The following VPS13C variants were observed in gnomAD, a reference collection of about 807,000 sequenced individuals.
VPS13C encodes vacuolar protein sorting 13 homolog C.
Under a neutral mutation model 456.8 loss-of-function variants are expected in VPS13C, and 358 were observed. That is an observed-to-expected ratio of 0.78 (90% CI 0.72 to 0.86). The LOEUF (loss-of-function observed/expected upper bound fraction) is 0.86. Ranked by LOEUF, VPS13C falls within the 40% of genes least tolerant of loss-of-function variation. The pLI is 0.00. For synonymous variants in VPS13C, 1,578 were observed against 1,486.7 expected (o/e 1.06, Z -1.41); for missense variants, 4,818 against 4,385.4 (o/e 1.10, Z -2.79).
At chr15:61,999,815 GAAGGA>G (rs1336071963) in intron 16 of VPS13C, among the ~76,000 whole-genome samples, 4 of 148,264 alleles carry the variant, frequency 2.7e-5, no homozygotes, top group African/African-American at 9.9e-5. Flanking sequence ...GGAAGAAAGT[GAAGGA>G]AAGAGGAAGG....
intron 16 of VPS13C, among the ~76,000 whole-genome samples, chr15:61,998,234 G>A (rs1280693567): frequency 1.3e-5 from 2 of 152,160 alleles, no homozygotes; most frequent in Non-Finnish European, 2.9e-5. Context: ...TTGCTCAAAT[G>A]TTTCCTTGTT....
At position 61,875,808 on chromosome 15, in the gene VPS13C, T is replaced by C; in HGVS notation, c.10262A>G (p.Asp3421Gly). 6.2e-7 allele frequency: 1 copy of C among 1,605,492 alleles called. No individual in the cohort carries two copies. Among genetic ancestry groups the C allele is most frequent in the African/African-American group, 1.3e-5 (1 of 74,348 alleles). ...TAATCCAAATGGGTTTCCAAGTACA[T>C]CTAACCCCAATACAAGGACATACAT... ...KQMYVLVLGL[D>G]VLGNPFGLIR... is the part of the protein sequence containing the mutation. Residue 3421 changes from aspartate (D) to glycine (G), a missense_variant, in exon 76 of 85, where the codon GAT becomes GGT. Asp to Gly is a moderately conservative substitution (Grantham distance 94). Transcript: ENST00000644861.
In VPS13C at chr15:62,023,390, G is replaced by A. The variant is rs374166674; in HGVS notation, c.624+21C>T. 5 of 1,286,068 alleles carry A rather than the reference G, an allele frequency of 3.9e-6. No homozygotes were observed. In the African/African-American group the frequency reaches 7.7e-5, roughly 20 times the overall value. 79.7% of individuals were successfully genotyped at this position (1,286,068 alleles called of 1,614,324 possible). A position where few individuals can be genotyped will look rare whatever the true frequency, so the allele number is the denominator to read the frequency against. ...TAAAATACATATTTAATTATTAACT[G>A]AGTAAATAAAAATTACTTACATCAT... On this transcript the variant is annotated intron_variant, in intron 8 of 84. Transcript: ENST00000644861.
At position 61,867,785 on chromosome 15, in the gene VPS13C, A is replaced by G; in HGVS notation, c.10863+874T>C. ...GTTTTTATTTGTAGTCAATCCCACT[A>G]CTATGAAAAGTTCAGATGGAGGTGA... On this transcript the variant is annotated intron_variant, in intron 81 of 84. Coordinates refer to ENST00000644861, the MANE Select transcript of VPS13C (RefSeq NM_020821.3). The surrounding 1 kb of genome is among the most constrained non-coding windows in gnomAD (Gnocchi z 5.0). 7 of 1,505,210 alleles carry G rather than the reference A, an allele frequency of 4.7e-6. No individual in the cohort carries two copies. The South Asian group carries it at 7.8e-5, about 17-fold the overall frequency. The allele number at this position is 1,505,210 out of a possible 1,614,324, so 93.2% of individuals were successfully genotyped here. A position where few individuals can be genotyped will look rare whatever the true frequency, so the allele number is the denominator to read the frequency against.
chr15:62,020,832 T>A (rs2047435837), intron 8 of VPS13C, among the ~76,000 whole-genome samples: 1 of 152,012 alleles, frequency 6.6e-6, no homozygotes, highest in Non-Finnish European at 1.5e-5. Flanking sequence ...TAAAAAGGAA[T>A]AATCTTTTTA....
rs532913524 is a variant in VPS13C, at chr15:62,028,526, A to G, written c.386-106T>C. 14 of 1,124,856 alleles carry G rather than the reference A, an allele frequency of 1.2e-5. No individual in the cohort carries two copies. The East Asian group carries it at 1.3e-4, about 10-fold the overall frequency. The allele number at this position is 1,124,856 out of a possible 1,614,324, so 69.7% of individuals were successfully genotyped here. A position where few individuals can be genotyped will look rare whatever the true frequency, so the allele number is the denominator to read the frequency against. On this transcript the variant is annotated intron_variant, in intron 5 of 84. Transcript: ENST00000644861. ...ATTTAATTTCATATAATTAGAAATC[A>G]TGTAACAGGGTAATTAAAATTTGGT...
At position 61,929,590 on chromosome 15, in the gene VPS13C, T is replaced by C. The variant is rs978396568; in HGVS notation, c.6197A>G (p.Lys2066Arg). The stretch of plus-strand genomic sequence containing the variant: ...ATTTTCTGGACTCTGAGGCACAGCT[T>C]TGATAAAGAAATCTGCCACAGTCAT... The part of the protein sequence containing the change: ...FLMTVADFFI[K>R]AVPQSPENVA... The change falls in exon 51 of 85, where the codon AAA (lysine) becomes AGA (arginine). Residue 2066 changes from lysine to arginine, a missense_variant. Coordinates refer to ENST00000644861, the MANE Select transcript of VPS13C (RefSeq NM_020821.3). 6 of 1,613,994 alleles carry C rather than the reference T, an allele frequency of 3.7e-6. No homozygotes were observed. In the African/African-American group the frequency reaches 8.0e-5, roughly 22 times the overall value.
Position 61,920,300 on chromosome 15 carries a change from T to A in VPS13C, c.7244A>T (p.Asp2415Val). Reference sequence around the variant, plus strand: ...AGGAGCTCTGTCCTTTAAAGAGTAGTCAAAAGTAGAAGCAGTGCCCTCTGA... The same window carrying A: ...AGGAGCTCTGTCCTTTAAAGAGTAGACAAAAGTAGAAGCAGTGCCCTCTGA... ...GFSEGTASTF[D>V]YSLKDRAPFT... is the part of the protein sequence containing the mutation. The change falls in exon 57 of 85, where the codon GAC becomes GTC. Residue 2415 changes from aspartate (D) to valine (V), a missense_variant. This residue lies in a region of VPS13C where 4,552 missense variants were observed against 4,130.6 expected (regional missense o/e 1.10). Transcript: ENST00000644861. 1.2e-6 allele frequency: 2 copies of A among 1,608,772 alleles called. No homozygotes were observed. The highest frequency in any genetic ancestry group is 1.7e-6 in the Non-Finnish European group (2 of 1,176,314).
intron 66 of VPS13C, among the ~76,000 whole-genome samples, chr15:61,896,684 C>T (rs1044267849): frequency 4.9e-4 from 74 of 152,336 alleles, no homozygotes; most frequent in Admixed American, 7.8e-4. Context: ...GAGGGGTGCC[C>T]GCCATTGCCC....
At chr15:61,973,393 A>C (rs1249074973) in intron 26 of VPS13C, 61 bp downstream of exon 26, 5 of 1,370,126 alleles carry the variant, frequency 3.6e-6, no homozygotes, top group East Asian at 2.3e-5. Context: ...TGAAAATGTT[A>C]TCTCTGTATA....
chr15:62,012,993 A>T, intron 11 of VPS13C, 46 bp downstream of exon 11: 1 of 1,457,586 alleles, frequency 6.9e-7, no homozygotes, highest in Middle Eastern at 1.7e-4. Context: ...AAACAAATTT[A>T]GGGATGGGAG....
chr15:62,034,704 C>T (rs1006910106), intron 4 of VPS13C, among the ~76,000 whole-genome samples: 12 of 151,704 alleles, frequency 7.9e-5, no homozygotes, highest in Non-Finnish European at 1.6e-4. Flanking sequence ...AGTTGCAAAA[C>T]AAGTACTCTT....
chr15:61,859,700 ACT>A (rs1307976260), intron 82 of VPS13C, among the ~76,000 whole-genome samples: 1 of 151,924 alleles, frequency 6.6e-6, no homozygotes, highest in Non-Finnish European at 1.5e-5. Context: ...GTCCTCAGAG[ACT>A]CTGTCCATCG....
chr15:62,019,766 T>A (rs1764309303), intron 9 of VPS13C, among the ~76,000 whole-genome samples: 1 of 152,040 alleles, frequency 6.6e-6, no homozygotes, highest in African/African-American at 2.4e-5. Flanking sequence ...TATATTCTGT[T>A]GATTTGGGGT....
intron 66 of VPS13C, among the ~76,000 whole-genome samples, chr15:61,902,766 CT>C (rs2043039271): frequency 6.6e-6 from 1 of 151,748 alleles, no homozygotes; most frequent in Non-Finnish European, 1.5e-5. Flanking sequence ...ATTTGAAAGC[CT>C]TTCCTCTAAG....
rs1256737662 is a variant in VPS13C, at chr15:62,005,366, C to A, written c.1290+1942G>T. ...CCTGCCTTTTTTTGTTTTCCATTTG[C>A]TTGGTAGATCTTCCTCCATCCTTTT... On this transcript the variant is annotated intron_variant, in intron 15 of 84. Transcript: ENST00000644861. Among the ~76,000 whole-genome samples the A allele has an allele frequency of 4.9e-4, 75 of 152,092 alleles. 1 individual carries two copies. The highest frequency in any genetic ancestry group is 4.9e-3 in the Admixed American group (75 of 15,274).
At chr15:61,885,376 A>T (rs1157797436) in intron 67 of VPS13C, among the ~76,000 whole-genome samples, 1 of 152,128 alleles carries the variant, frequency 6.6e-6, no homozygotes, top group Non-Finnish European at 1.5e-5. Context: ...TTAATTTCCA[A>T]AGCCACTATT....
At chr15:61,897,112 C>T (rs1169153995) in intron 66 of VPS13C, among the ~76,000 whole-genome samples, 3 of 151,256 alleles carry the variant, frequency 2.0e-5, no homozygotes, top group Non-Finnish European at 4.4e-5. Flanking sequence ...ACATCACCAT[C>T]ATCAAAGACC....
chr15:62,054,329 G>A (rs1249005864), intron 1 of VPS13C, among the ~76,000 whole-genome samples: 1 of 152,136 alleles, frequency 6.6e-6, no homozygotes, highest in Non-Finnish European at 1.5e-5. Context: ...TAGCTGGCAG[G>A]TAATACTGTA....
Sources: allele counts gnomAD v4.1 joint callset (sites outside exome capture counted in the v4.1 genomes callset), GRCh38; gene constraint gnomAD v4.1.1; regional missense constraint gnomAD v4.1.1; non-coding constraint Gnocchi (gnomAD v3.1); transcripts MANE v1.5; gene names NCBI Gene and HGNC (gene_info 2026-07-23, HGNC 2026-07-21).